Variants in DPP6 observed in about 807,000 individuals in gnomAD.
The protein encoded by DPP6 is A-type potassium channel modulatory protein DPP6.
DPP6 carries 69 observed loss-of-function variants against 122.6 expected under a neutral mutation model. The ratio of observed to expected loss-of-function variants is 0.56; its 90% CI spans 0.46 to 0.69. The LOEUF is 0.69. Ranked by LOEUF, DPP6 falls within the 30% of genes least tolerant of loss-of-function variation. The probability of loss-of-function intolerance (pLI) is 0.00; values close to 1 mark genes in which losing one functional copy is unlikely to be tolerated. For missense variants in DPP6, 928 were observed against 1,116.9 expected (o/e 0.83, Z 2.41); for synonymous variants, 418 against 433.1 (o/e 0.97, Z 0.43).
chr7:154,690,539 T>C (rs1302244207), intron 7 of DPP6, among the ~76,000 whole-genome samples: 1 of 152,150 alleles, frequency 6.6e-6, no homozygotes, highest in Non-Finnish European at 1.5e-5. Context: ...CTTCAGCTGT[T>C]TCTCCACACA....
chr7:154,354,490 T>G (rs1262384579), intron 1 of DPP6, among the ~76,000 whole-genome samples: 1 of 152,218 alleles, frequency 6.6e-6, no homozygotes, highest in Non-Finnish European at 1.5e-5. Flanking sequence ...AAGCTACTCC[T>G]TTCCAGTATA....
intron 1 of DPP6, among the ~76,000 whole-genome samples, chr7:154,218,055 C>G (rs1459219892): frequency 6.6e-6 from 1 of 152,240 alleles, no homozygotes; most frequent in African/African-American, 2.4e-5. Context: ...CCAAATAAAT[C>G]AAGAGAGGCT....
At chr7:153,904,178 A>G (rs1303041955) in intron 1 of DPP6, among the ~76,000 whole-genome samples, 1 of 152,108 alleles carries the variant, frequency 6.6e-6, no homozygotes, top group Admixed American at 6.6e-5. Context: ...CAGCCTCCCA[A>G]GTAGCTGGGA....
chr7:154,742,395 CTT>C (rs1193308094), intron 8 of DPP6, among the ~76,000 whole-genome samples: 1 of 152,188 alleles, frequency 6.6e-6, no homozygotes, highest in East Asian at 1.9e-4. Context: ...CATTTAGACA[CTT>C]TTGGCAGAAT....
chr7:154,184,155 C>T (rs1256406444), intron 1 of DPP6, among the ~76,000 whole-genome samples: 4 of 151,772 alleles, frequency 2.6e-5, no homozygotes, highest in African/African-American at 7.3e-5. Context: ...ACAGTGAGGA[C>T]CCTCAGCATC....
the DPP6 span, among the ~76,000 whole-genome samples, chr7:153,827,875 C>T: frequency 6.6e-6 from 1 of 152,172 alleles, no homozygotes; most frequent in African/African-American, 2.4e-5. Context: ...TTTACCTGCA[C>T]CCTGTGTAAC....
At chr7:154,622,791 C>T (rs1834780076) in intron 5 of DPP6, among the ~76,000 whole-genome samples, 1 of 152,182 alleles carries the variant, frequency 6.6e-6, no homozygotes, top group East Asian at 1.9e-4. Flanking sequence ...ACCACGGTCC[C>T]AGCCAGGGCA....
chr7:153,923,747 C>T (rs1011339755), intron 1 of DPP6, among the ~76,000 whole-genome samples: 2 of 115,736 alleles, frequency 1.7e-5, no homozygotes, highest in African/African-American at 6.9e-5. Flanking sequence ...GGCAACAGAG[C>T]GAGACTCCAT....
At chr7:154,890,576 C>G (rs1806514050) in intron 25 of DPP6, 1 of 152,266 alleles carries the variant, frequency 6.6e-6, no homozygotes, top group Non-Finnish European at 1.5e-5. Context: ...ATGTGGGCAA[C>G]TCCCCAAGAT....
At chr7:154,277,858 T>C (rs1300189626) in intron 1 of DPP6, among the ~76,000 whole-genome samples, 1 of 152,232 alleles carries the variant, frequency 6.6e-6, no homozygotes, top group African/African-American at 2.4e-5. Context: ...TTTCTTGATG[T>C]TCTTGCTTTT....
intron 5 of DPP6, among the ~76,000 whole-genome samples, chr7:154,598,674 A>G (rs760444238): frequency 2.0e-5 from 3 of 152,230 alleles, no homozygotes; most frequent in Non-Finnish European, 4.4e-5. Context: ...ACCTAACAAC[A>G]GACAATATGC....
At chr7:154,060,611 C>A (rs1350317460) in intron 1 of DPP6, among the ~76,000 whole-genome samples, 1 of 101,846 alleles carries the variant, frequency 9.8e-6, no homozygotes, top group African/African-American at 3.6e-5. Flanking sequence ...CTTCCCCCCC[C>A]TGGCTCTGAG....
At chr7:154,679,804 A>T (rs1320079959) in intron 7 of DPP6, among the ~76,000 whole-genome samples, 1 of 152,204 alleles carries the variant, frequency 6.6e-6, no homozygotes, top group Non-Finnish European at 1.5e-5. Context: ...CAAGAAATTA[A>T]TATCCCACGG....
chr7:154,148,607 G>A (rs1291174073), intron 1 of DPP6, among the ~76,000 whole-genome samples: 2 of 152,268 alleles, frequency 1.3e-5, no homozygotes, highest in African/African-American at 4.8e-5. Context: ...TCCTGGCATG[G>A]CCACGTCTGT....
At chr7:154,077,676 A>T (rs199515366) in intron 1 of DPP6, among the ~76,000 whole-genome samples, 1,939 of 144,094 alleles carry the variant, frequency 0.013, 20 homozygotes, top group African/African-American at 0.034. Context: ...TATTATTATT[A>T]TTTTTTTTTT....
intron 16 of DPP6, among the ~76,000 whole-genome samples, chr7:154,849,823 A>T (rs1211496869): frequency 2.0e-5 from 3 of 152,186 alleles, no homozygotes; most frequent in African/African-American, 7.2e-5. Flanking sequence ...CCTTTATTGT[A>T]TTGAGGAACA....
At chr7:154,160,919 G>A (rs1796948739) in intron 1 of DPP6, among the ~76,000 whole-genome samples, 1 of 152,076 alleles carries the variant, frequency 6.6e-6, no homozygotes, top group Non-Finnish European at 1.5e-5. Context: ...ACAGCAAGAA[G>A]TTTCCATTCT....
At chr7:154,447,644 C>T (rs1021222097) in intron 2 of DPP6, among the ~76,000 whole-genome samples, 1 of 152,006 alleles carries the variant, frequency 6.6e-6, no homozygotes, top group Non-Finnish European at 1.5e-5. Flanking sequence ...CATGCCAATA[C>T]CCCTTATGAA....
intron 5 of DPP6, among the ~76,000 whole-genome samples, chr7:154,613,512 G>T (rs186848433): frequency 6.7e-6 from 1 of 149,476 alleles, no homozygotes; most frequent in East Asian, 2.0e-4. Context: ...CCAGCTACTC[G>T]GGAGGCTGAG....
Sources: gnomAD v4.1 joint callset for allele counts (sites outside exome capture counted in the v4.1 genomes callset) on GRCh38, gnomAD v4.1.1 for gene constraint, MANE v1.5 for transcripts, NCBI Gene and HGNC (gene_info 2026-07-23, HGNC 2026-07-21) for gene names.